The following CYRIA variants were observed in gnomAD, a reference collection of about 807,000 sequenced individuals.
CYRIA encodes CYFIP related Rac1 interactor A.
A neutral mutation model predicts 43.9 loss-of-function variants in CYRIA; 15 were observed. That is an observed-to-expected ratio of 0.34 (90% CI 0.23 to 0.53). CYRIA has a LOEUF of 0.53. Among genes scored for constraint, CYRIA ranks in the 20% least tolerant of loss-of-function variants. The pLI, the probability that CYRIA is intolerant of heterozygous loss-of-function variation, is 0.94. For synonymous variants in CYRIA, 117 were observed against 136.0 expected, an observed-to-expected ratio of 0.86 and a Z score of 0.97; for missense variants, 236 against 394.2, an observed-to-expected ratio of 0.60 and a Z score of 3.40.
chr2:16,584,970 T>C (rs886962457), intron 3 of CYRIA, among the ~76,000 whole-genome samples: 2 of 152,150 alleles, frequency 1.3e-5, no homozygotes, highest in African/African-American at 4.8e-5. Flanking sequence ...ATTTATTTCA[T>C]CTTAAACTGA....
intron 1 of CYRIA, among the ~76,000 whole-genome samples, chr2:16,655,708 C>A (rs1298349731): frequency 9.2e-5 from 14 of 152,244 alleles, no homozygotes; most frequent in Admixed American, 9.2e-4. Context: ...CCTTTCTTTT[C>A]TCTTTCATAA....
chr2:16,660,042 C>T (rs1670207230), intron 1 of CYRIA, among the ~76,000 whole-genome samples: 1 of 152,084 alleles, frequency 6.6e-6, no homozygotes. Flanking sequence ...CTTCTCGCCT[C>T]CTTGAGAGGA....
chr2:16,556,961 G>A (rs567896571), intron 10 of CYRIA, among the ~76,000 whole-genome samples: 1 of 152,092 alleles, frequency 6.6e-6, no homozygotes, highest in Non-Finnish European at 1.5e-5. Flanking sequence ...CAGGTTTGTG[G>A]GGGGAGGGGA....
intron 3 of CYRIA, among the ~76,000 whole-genome samples, chr2:16,568,850 C>T (rs1572464583): frequency 1.3e-5 from 2 of 152,222 alleles, no homozygotes; most frequent in South Asian, 4.1e-4. Context: ...TGGCTCCACC[C>T]TAGCAAATCA....
chr2:16,601,527 G>T (rs766854536), intron 2 of CYRIA, among the ~76,000 whole-genome samples: 1 of 152,062 alleles, frequency 6.6e-6, no homozygotes, highest in Non-Finnish European at 1.5e-5. Context: ...CTGCCTGCAC[G>T]CCCTTGCCAA....
chr2:16,606,855 G>A (rs1348139770), intron 2 of CYRIA, among the ~76,000 whole-genome samples: 1 of 152,042 alleles, frequency 6.6e-6, no homozygotes, highest in Non-Finnish European at 1.5e-5. Context: ...ACCAAAGGAG[G>A]CTTTGGATGT....
At chr2:16,572,473 G>C (rs115761978) in intron 3 of CYRIA, among the ~76,000 whole-genome samples, 1 of 152,154 alleles carries the variant, frequency 6.6e-6, no homozygotes, top group Non-Finnish European at 1.5e-5. Context: ...CTTCTTCCAA[G>C]ATTATCAAGC....
At chr2:16,636,906 G>T (rs949990478) in intron 1 of CYRIA, among the ~76,000 whole-genome samples, 8 of 152,188 alleles carry the variant, frequency 5.3e-5, no homozygotes, top group African/African-American at 1.9e-4. Flanking sequence ...AGCCTGGGAA[G>T]TTGAGGCTGC....
intron 2 of CYRIA, among the ~76,000 whole-genome samples, chr2:16,622,079 C>T (rs1266672881): frequency 1.3e-5 from 2 of 152,140 alleles, no homozygotes; most frequent in Non-Finnish European, 1.5e-5. Flanking sequence ...AGGAAGAAAG[C>T]CCTGAATGAG....
intron 2 of CYRIA, among the ~76,000 whole-genome samples, chr2:16,619,011 C>G (rs1046652015): frequency 6.6e-6 from 1 of 152,170 alleles, no homozygotes; most frequent in African/African-American, 2.4e-5. Flanking sequence ...GAGTTTGGAT[C>G]CTGATGTCCT....
intron 11 of CYRIA, among the ~76,000 whole-genome samples, chr2:16,553,682 G>A (rs551683222): frequency 6.6e-6 from 1 of 152,182 alleles, no homozygotes; most frequent in South Asian, 2.1e-4. Context: ...AGATCACAAG[G>A]TTACTGAATT....
At chr2:16,560,913 T>C (rs1269919562) in intron 9 of CYRIA, 77 bp downstream of exon 9, 18 of 1,279,484 alleles carry the variant, frequency 1.4e-5, no homozygotes, top group East Asian at 2.3e-5. Context: ...AAATGTTACA[T>C]ATCATTAACA....
intron 2 of CYRIA, among the ~76,000 whole-genome samples, chr2:16,593,141 T>A (rs565610018): frequency 8.6e-4 from 131 of 152,336 alleles, no homozygotes; most frequent in African/African-American, 3.1e-3. Flanking sequence ...TGTTCAATAT[T>A]ACAACTCCTC....
intron 9 of CYRIA, 130 bp from the exon 10 acceptor site, chr2:16,559,716 T>A: frequency 1.0e-6 from 1 of 960,304 alleles, no homozygotes; most frequent in Non-Finnish European, 1.5e-6. Context: ...AACAACCAGT[T>A]AATATGCTTC....
At chr2:16,637,601 C>G (rs745802290) in intron 1 of CYRIA, among the ~76,000 whole-genome samples, 1 of 152,190 alleles carries the variant, frequency 6.6e-6, no homozygotes, top group Non-Finnish European at 1.5e-5. Flanking sequence ...TTACAGTATC[C>G]TGAACTGACT....
At chr2:16,573,089 G>T (rs1667200930) in intron 3 of CYRIA, among the ~76,000 whole-genome samples, 1 of 152,196 alleles carries the variant, frequency 6.6e-6, no homozygotes, top group Non-Finnish European at 1.5e-5. Context: ...TTCTGCCCGA[G>T]GAATGCAAGA....
At chr2:16,602,346 G>A (rs977296933) in intron 2 of CYRIA, among the ~76,000 whole-genome samples, 1 of 152,016 alleles carries the variant, frequency 6.6e-6, no homozygotes, top group Non-Finnish European at 1.5e-5. Flanking sequence ...TGGGAATAAG[G>A]AAGTCCTGAC....
At chr2:16,648,169 A>G (rs937910321) in intron 1 of CYRIA, among the ~76,000 whole-genome samples, 2 of 152,184 alleles carry the variant, frequency 1.3e-5, no homozygotes, top group African/African-American at 4.8e-5. Context: ...GGTTTTATCT[A>G]TCTCAGAGAA....
chr2:16,585,075 C>T (rs1338685196), intron 3 of CYRIA, among the ~76,000 whole-genome samples: 2 of 152,118 alleles, frequency 1.3e-5, no homozygotes, highest in Non-Finnish European at 2.9e-5. Context: ...CTTACAAGTA[C>T]ACTCACAACC....
Sources: gnomAD v4.1 joint callset for allele counts (sites outside exome capture counted in the v4.1 genomes callset) on GRCh38, gnomAD v4.1.1 for gene constraint, MANE v1.5 for transcripts, NCBI Gene and HGNC (gene_info 2026-07-23, HGNC 2026-07-21) for gene names.